PRMT8: variants seen among roughly 807,000 people sequenced by gnomAD.
PRMT8 encodes protein arginine methyltransferase 8, also known as protein arginine N-methyltransferase 8.
Under a neutral mutation model 47.1 loss-of-function variants are expected in PRMT8, and 7 were observed. The ratio of observed to expected loss-of-function variants is 0.15; its 90% CI spans 0.08 to 0.28. The LOEUF (loss-of-function observed/expected upper bound fraction) is 0.28. PRMT8 is among the 10% of genes least tolerant of loss of function. The pLI is 1.00. For synonymous variants in PRMT8, 188 were observed against 186.5 expected (o/e 1.01, Z -0.07); for missense variants, 237 against 505.4 (o/e 0.47, Z 5.09).
chr12:3,399,915 C>CT (rs367883413), intron 1 of PRMT8, among the ~76,000 whole-genome samples: 59 of 152,052 alleles, frequency 3.9e-4, no homozygotes, highest in African/African-American at 1.3e-3. Flanking sequence ...ATAGAAGAAA[C>CT]TTTTTTTTGG....
chr12:3,397,557 A>AGTCT, intron 1 of PRMT8, among the ~76,000 whole-genome samples: 2 of 151,608 alleles, frequency 1.3e-5, no homozygotes, highest in South Asian at 4.4e-4. Flanking sequence ...TTGAGGAGGC[A>AGTCT]GTCTGCCCGT....
At chr12:3,385,400 GC>G (rs1216136464) in intron 1 of PRMT8, among the ~76,000 whole-genome samples, 1 of 152,164 alleles carries the variant, frequency 6.6e-6, no homozygotes, top group Non-Finnish European at 1.5e-5. Flanking sequence ...TTCTTCAAAA[GC>G]CAGGTGATTC....
At chr12:3,413,271 A>G (rs914847659) in intron 1 of PRMT8, among the ~76,000 whole-genome samples, 2 of 152,290 alleles carry the variant, frequency 1.3e-5, no homozygotes, top group African/African-American at 4.8e-5. Flanking sequence ...TCCCGTGAAC[A>G]AGCTCTCTTG....
intron 1 of PRMT8, among the ~76,000 whole-genome samples, chr12:3,459,861 C>T (rs1276072178): frequency 5.9e-5 from 9 of 152,176 alleles, no homozygotes; most frequent in Non-Finnish European, 8.8e-5. Context: ...AGGACGGAAT[C>T]TCTTAGTCCC....
chr12:3,549,853 G>A (rs1402117382), intron 2 of PRMT8, 83 bp from the exon 3 acceptor site: 19 of 1,513,222 alleles, frequency 1.3e-5, no homozygotes, highest in Non-Finnish European at 1.6e-5. Context: ...GGTCACCTGG[G>A]GTGGTCCAGG....
intron 1 of PRMT8, among the ~76,000 whole-genome samples, chr12:3,387,971 T>G (rs1864157552): frequency 6.6e-6 from 1 of 152,180 alleles, no homozygotes; most frequent in Non-Finnish European, 1.5e-5. Context: ...TTTCATTATC[T>G]ATTACATAAT....
chr12:3,546,644 A>C (rs1182973880), intron 2 of PRMT8, among the ~76,000 whole-genome samples: 1 of 152,200 alleles, frequency 6.6e-6, no homozygotes, highest in East Asian at 1.9e-4. Context: ...TGAAAGCTAA[A>C]ATAACCCTTT....
chr12:3,556,833 G>A (rs1428690209), intron 4 of PRMT8, among the ~76,000 whole-genome samples: 1 of 151,840 alleles, frequency 6.6e-6, no homozygotes, highest in African/African-American at 2.4e-5. Context: ...CCCAGTGGAG[G>A]GGTGGTCTTT....
chr12:3,393,701 T>C, intron 1 of PRMT8, among the ~76,000 whole-genome samples: 1 of 140,776 alleles, frequency 7.1e-6, no homozygotes, highest in Non-Finnish European at 1.5e-5. Context: ...ATGCGGGCTC[T>C]TTTTTGGTTC....
intron 1 of PRMT8, among the ~76,000 whole-genome samples, chr12:3,391,419 T>C (rs780086556): frequency 6.6e-6 from 1 of 152,138 alleles, no homozygotes; most frequent in Admixed American, 6.5e-5. Flanking sequence ...TACAAATGCC[T>C]CAGGGAGAGG....
At chr12:3,489,908 T>C (rs531527415), upstream of PRMT8, among the ~76,000 whole-genome samples, 23 of 152,226 alleles carry the variant, frequency 1.5e-4, no homozygotes, top group African/African-American at 5.3e-4. Context: ...TCCTCTCCTG[T>C]CTCTATCCCT....
chr12:3,593,653 G>T lies in PRMT8; in HGVS notation c.*471G>T. 5.3e-6 allele frequency: 1 copy of T among 187,500 alleles called. No homozygotes were observed. The highest frequency in any genetic ancestry group is 5.9e-5 in the Admixed American group (1 of 16,986). The allele number at this position is 187,500 out of a possible 1,614,324, so 11.6% of individuals were successfully genotyped here. A position where few individuals can be genotyped will look rare whatever the true frequency, so the allele number is the denominator to read the frequency against. ...ATGTGTGAATGTGAGCAGCATAGTT[G>T]ATATTTACCCACAAACACCTGTATA... is the stretch of plus-strand genomic sequence containing the variant. On this transcript the variant is annotated 3_prime_UTR_variant, in exon 10 of 10. Coordinates refer to ENST00000382622, the MANE Select transcript of PRMT8 (RefSeq NM_019854.5). This position sits in a 1 kb window ranked among gnomAD's most constrained non-coding sequence, Gnocchi z 4.8.
chr12:3,395,334 C>T (rs1182330562), intron 1 of PRMT8, among the ~76,000 whole-genome samples: 6,017 of 149,996 alleles, frequency 0.04, 372 homozygotes, highest in African/African-American at 0.13. Flanking sequence ...TTCCTGCTTT[C>T]TCTTGTGGGC....
chr12:3,515,480 C>T (rs996230960), intron 1 of PRMT8, among the ~76,000 whole-genome samples: 2 of 152,088 alleles, frequency 1.3e-5, no homozygotes, highest in South Asian at 4.2e-4. Flanking sequence ...CAAACCTGCA[C>T]GTTGTGCACA....
intron 1 of PRMT8, among the ~76,000 whole-genome samples, chr12:3,449,845 C>CT (rs1174534187): frequency 6.6e-6 from 1 of 152,076 alleles, no homozygotes; most frequent in African/African-American, 2.4e-5. Context: ...TTCTTTTAGC[C>CT]TTTTTATAGT....
chr12:3,428,070 T>A (rs1245684826), intron 1 of PRMT8, among the ~76,000 whole-genome samples: 1 of 152,212 alleles, frequency 6.6e-6, no homozygotes, highest in Admixed American at 6.5e-5. Context: ...GATGGCTTTT[T>A]AATTTTTCCC....
At chr12:3,539,083 C>T (rs1866174050) in intron 1 of PRMT8, among the ~76,000 whole-genome samples, 1 of 152,186 alleles carries the variant, frequency 6.6e-6, no homozygotes, top group Admixed American at 6.5e-5. Flanking sequence ...CCCTGTTTCT[C>T]TTGCTAGAAA....
At chr12:3,532,708 T>C (rs899487867) in intron 1 of PRMT8, among the ~76,000 whole-genome samples, 3 of 150,882 alleles carry the variant, frequency 2.0e-5, no homozygotes, top group African/African-American at 4.9e-5. Flanking sequence ...GAGTACCAAT[T>C]ATACAGTATA....
In PRMT8 at chr12:3,552,884, G is replaced by A. The variant is rs754314980; in HGVS notation, c.418-767G>A. On this transcript the variant is annotated intron_variant, in intron 3 of 9. Transcript: ENST00000382622. This position sits in a 1 kb window ranked among gnomAD's most constrained non-coding sequence, Gnocchi z 4.5. ...ACAGGCCAGCCTCTGTAAGAGAGCC[G>A]GCTCCGGAGGTGAGGACGGCTCTTG... The A allele has an allele frequency of 1.5e-4, 64 of 414,144 alleles. No individual in the cohort carries two copies. The highest frequency in any genetic ancestry group is 2.5e-4 in the Non-Finnish European group (51 of 204,396). The allele number at this position is 414,144 out of a possible 1,614,324, so 25.7% of individuals were successfully genotyped here. A position where few individuals can be genotyped will look rare whatever the true frequency, so the allele number is the denominator to read the frequency against.
Sources: gnomAD v4.1 joint callset for allele counts (sites outside exome capture counted in the v4.1 genomes callset) on GRCh38, gnomAD v4.1.1 for gene constraint, Gnocchi (gnomAD v3.1) non-coding constraint, MANE v1.5 for transcripts, NCBI Gene and HGNC (gene_info 2026-07-23, HGNC 2026-07-21) for gene names.